The following OR6J1 variants were observed in gnomAD, a reference collection of about 807,000 sequenced individuals.
OR6J1 encodes olfactory receptor 6J1.
For synonymous variants in OR6J1, 109 were observed against 70.0 expected (o/e 1.56, Z -2.78); for missense variants, 304 against 166.8 (o/e 1.82, Z -4.53).
At chr14:22,640,580 C>A (rs1402759837) in intron 1 of OR6J1, among the ~76,000 whole-genome samples, 1 of 148,760 alleles carries the variant, frequency 6.7e-6, no homozygotes, top group Non-Finnish European at 1.5e-5. Flanking sequence ...TCAGACTCAG[C>A]CTCCCTGGAT....
intron 1 of OR6J1, among the ~76,000 whole-genome samples, chr14:22,640,879 AG>A (rs1213665746): frequency 2.6e-5 from 4 of 151,260 alleles, no homozygotes; most frequent in Admixed American, 6.6e-5. Context: ...TTTATATAAA[AG>A]AAGTTAAGCT....
intron 1 of OR6J1, among the ~76,000 whole-genome samples, chr14:22,635,978 G>T (rs1681585): frequency 0.23 from 35,326 of 151,760 alleles, 4,397 homozygotes; most frequent in African/African-American, 0.32. Flanking sequence ...TATTAAAAGA[G>T]CCTTCAAATA....
At position 22,639,195 on chromosome 14, in the gene OR6J1, G is replaced by T. The variant is rs1385199000; in HGVS notation, c.-27-4357C>A. Among the ~76,000 whole-genome samples, 14 of 116,898 alleles carry T rather than the reference G, an allele frequency of 1.2e-4. 1 individual carries two copies. The highest frequency in any genetic ancestry group is 7.1e-4 in the African/African-American group (14 of 19,816). The allele number at this position is 116,898 out of a possible 152,430, so 76.7% of individuals were successfully genotyped here. A position where few individuals can be genotyped will look rare whatever the true frequency, so the allele number is the denominator to read the frequency against. On this transcript the variant is annotated intron_variant, in intron 1 of 1. Transcript: ENST00000540461. ...CCACCCCATCTGGGAAGTGAGGAGCGTCTCCGCCCGGCAGCCACCCCGTCC... is the reference window on the plus strand; with the variant it reads ...CCACCCCATCTGGGAAGTGAGGAGCTTCTCCGCCCGGCAGCCACCCCGTCC...
At position 22,636,591 on chromosome 14, in the gene OR6J1, T is replaced by C. The variant is rs1162354377; in HGVS notation, c.-27-1753A>G. Among the ~76,000 whole-genome samples, 4 of 121,798 alleles carry C rather than the reference T, an allele frequency of 3.3e-5. 1 individual carries two copies. Among genetic ancestry groups the C allele is most frequent in the African/African-American group, 1.7e-4 (4 of 22,992 alleles). The allele number at this position is 121,798 out of a possible 152,430, so 79.9% of individuals were successfully genotyped here. On this transcript the variant is annotated intron_variant, in intron 1 of 1. Transcript: ENST00000540461. Reference sequence around the variant, plus strand: ...ACGCCTCACTGGTTTTCGTTTTTTTTTTTTGGTGGAGACGGGGTTTTGCTG... The same window carrying C: ...ACGCCTCACTGGTTTTCGTTTTTTTCTTTTGGTGGAGACGGGGTTTTGCTG...
At chr14:22,642,622 G>A (rs953571733) in intron 1 of OR6J1, among the ~76,000 whole-genome samples, 1 of 151,912 alleles carries the variant, frequency 6.6e-6, no homozygotes. Flanking sequence ...ACAGGGACAA[G>A]CCACCATGCC....
chr14:22,641,393 G>GAA lies in OR6J1; in HGVS notation c.-28+2704_-28+2705insTT, dbSNP rs1594904102. Among the ~76,000 whole-genome samples the GAA allele has an allele frequency of 1.7e-3, 130 of 74,578 alleles. 2 individuals are homozygous for GAA. The highest frequency in any genetic ancestry group is 0.014 in the South Asian group (32 of 2,238). 48.9% of individuals were successfully genotyped at this position (74,578 alleles called of 152,430 possible). On this transcript the variant is annotated intron_variant, in intron 1 of 1. Coordinates refer to ENST00000540461, the MANE Select transcript of OR6J1 (RefSeq NM_001348233.2). ...GGGAGAGAAGAAAGAAAGAGAGAGA[G>GAA]AGAGAAAGGAAGGATGGAAGGAAGG...
intron 1 of OR6J1, among the ~76,000 whole-genome samples, chr14:22,635,580 A>G (rs1326759888): frequency 6.6e-6 from 1 of 152,194 alleles, no homozygotes; most frequent in African/African-American, 2.4e-5. Flanking sequence ...GCAGATATTG[A>G]GACTTATAAA....
Position 22,639,160 on chromosome 14 carries a change from C to T in OR6J1, c.-27-4322G>A, listed in dbSNP as rs1195041483. Reference sequence around the variant, plus strand: ...CCGTCTGAGAAGTGAGGAGCCTCTCCGCCCGGCAGCCACCCCATCTGGGAA... The same window carrying T: ...CCGTCTGAGAAGTGAGGAGCCTCTCTGCCCGGCAGCCACCCCATCTGGGAA... On this transcript the variant is annotated intron_variant, in intron 1 of 1. Coordinates refer to ENST00000540461, the MANE Select transcript of OR6J1 (RefSeq NM_001348233.2). Among the ~76,000 whole-genome samples, 13 of 106,754 alleles carry T rather than the reference C, an allele frequency of 1.2e-4. 1 individual carries two copies. The highest frequency in any genetic ancestry group is 2.4e-4 in the African/African-American group (4 of 16,822). 70.0% of individuals were successfully genotyped at this position (106,754 alleles called of 152,430 possible).
At chr14:22,639,194 C>T (rs1162325308) in intron 1 of OR6J1, among the ~76,000 whole-genome samples, 16 of 118,024 alleles carry the variant, frequency 1.4e-4, no homozygotes, top group African/African-American at 7.0e-4. Flanking sequence ...AAGTGAGGAG[C>T]GTCTCCGCCC....
chr14:22,639,475 T>C (rs1453860639), intron 1 of OR6J1, among the ~76,000 whole-genome samples: 1 of 132,546 alleles, frequency 7.5e-6, no homozygotes, highest in Non-Finnish European at 1.6e-5. Flanking sequence ...CCACCCCGTC[T>C]GGGAGGTGTG....
In OR6J1 at chr14:22,634,225, A is replaced by G. The variant is rs770879897; in HGVS notation, c.587T>C (p.Leu196Pro). 8.5e-6 allele frequency: 6 copies of G among 703,470 alleles called. No individual in the cohort carries two copies. In the South Asian group the frequency reaches 8.9e-5, roughly 10 times the overall value. The allele number at this position is 703,470 out of a possible 1,614,324, so 43.6% of individuals were successfully genotyped here. A position where few individuals can be genotyped will look rare whatever the true frequency, so the allele number is the denominator to read the frequency against. ...LACADTTAIE[L>P]MDFMLSSMVI... ...CATGGAAGAAAGCATAAAATCCATC[A>G]GCTCGATGGCAGTGGTGTCTGCACA... Residue 196 changes from leucine to proline, a missense_variant, in exon 2 of 2, where the codon CTG becomes CCG. Leu to Pro is a moderately conservative substitution (Grantham distance 98). Transcript: ENST00000540461.
Position 22,634,159 on chromosome 14 carries a change from G to C in OR6J1, c.653C>G (p.Thr218Arg), listed in dbSNP as rs116242916. The C allele has an allele frequency of 5.7e-6, 4 of 703,302 alleles. No individual in the cohort carries two copies. Among genetic ancestry groups the C allele is most frequent in the Non-Finnish European group, 1.0e-5 (4 of 384,972 alleles). The allele number at this position is 703,302 out of a possible 1,614,324, so 43.6% of individuals were successfully genotyped here. The change falls in exon 2 of 2, where the codon ACG becomes AGG. Residue 218 changes from threonine (T) to arginine (R), a missense_variant. Physicochemically the swap from Thr to Arg is moderately conservative, Grantham distance 71. Transcript: ENST00000540461. ...CCIVLVAYSYTYIILTIVRIP... is the reference protein window; with the variant it reads ...CCIVLVAYSYRYIILTIVRIP... ...GCGCACTATGGTCAAGATGATGTACGTATAGGAATAGGCCACGAGGACTAT... is the reference window on the plus strand; with the variant it reads ...GCGCACTATGGTCAAGATGATGTACCTATAGGAATAGGCCACGAGGACTAT...
chr14:22,641,209 A>AGAAAGAAAGAAAGAAAG (rs1566397555), intron 1 of OR6J1, among the ~76,000 whole-genome samples: 1 of 18,706 alleles, frequency 5.3e-5, no homozygotes, highest in Non-Finnish European at 9.7e-5. Flanking sequence ...GGAGAGAAAG[A>AGAAAGAAAGAAAGAAAG]TAAGAAAGAA....
chr14:22,632,466 T>G lies in OR6J1; in HGVS notation c.*1302A>C, dbSNP rs535414347. 1 of 152,356 alleles carries G rather than the reference T, an allele frequency of 6.6e-6. No individual in the cohort carries two copies. The highest frequency in any genetic ancestry group is 2.4e-5 in the African/African-American group (1 of 41,544). 9.4% of individuals were successfully genotyped at this position (152,356 alleles called of 1,614,324 possible). ...CTGTGGTCCCAGCTACTCAGGAGGC[T>G]GAGGCAGAAGAATCACTTGAACCCA... On this transcript the variant is annotated 3_prime_UTR_variant, in exon 2 of 2. Coordinates refer to ENST00000540461, the MANE Select transcript of OR6J1 (RefSeq NM_001348233.2).
In OR6J1 at chr14:22,643,764, C is replaced by CACACACAGAGAG. The variant is rs1466950724; in HGVS notation, c.-28+333_-28+334insCTCTCTGTGTGT. Among the ~76,000 whole-genome samples the CACACACAGAGAG allele has an allele frequency of 1.5e-3, 56 of 37,690 alleles. No homozygotes were observed. The East Asian group carries it at 0.018, about 12-fold the overall frequency. The allele number at this position is 37,690 out of a possible 152,430, so 24.7% of individuals were successfully genotyped here. Reference sequence around the variant, plus strand: ...ACACACACACACACACACACACACACAGAGAGAGAGAGAGAGAGAGAGAGA... The same window carrying CACACACAGAGAG: ...ACACACACACACACACACACACACACACACACAGAGAGAGAGAGAGAGAGAGAGAGAGAGAGA... On this transcript the variant is annotated intron_variant, in intron 1 of 1. Transcript: ENST00000540461.
At chr14:22,638,648 A>AT (rs1370490842) in intron 1 of OR6J1, among the ~76,000 whole-genome samples, 1 of 45,010 alleles carries the variant, frequency 2.2e-5, no homozygotes, top group South Asian at 5.6e-4. Context: ...AGAATGATCA[A>AT]TAAAAAAAAT....
chr14:22,641,379 AAG>A (rs1386907454), intron 1 of OR6J1, among the ~76,000 whole-genome samples: 1 of 85,908 alleles, frequency 1.2e-5, no homozygotes, highest in Admixed American at 1.0e-4. Context: ...GGAGAGAAGA[AAG>A]AAAGAGAGAG....
intron 1 of OR6J1, among the ~76,000 whole-genome samples, chr14:22,640,187 G>A (rs2037632452): frequency 7.2e-6 from 1 of 138,654 alleles, no homozygotes; most frequent in South Asian, 2.5e-4. Context: ...GGGGGAGAGG[G>A]GGAGGGAGGG....
rs1191297122 is a variant in OR6J1, at chr14:22,632,643, T to C, written c.*1125A>G. 6.6e-6 allele frequency: 1 copy of C among 152,218 alleles called. No individual in the cohort carries two copies. Among genetic ancestry groups the C allele is most frequent in the Non-Finnish European group, 1.5e-5 (1 of 68,062 alleles). The allele number at this position is 152,218 out of a possible 1,614,324, so 9.4% of individuals were successfully genotyped here. ...GAAGCTATGCCTTGTGGAGAGATAATGAACTTTGTAGTCAAGCTGCTTTTT... is the reference window on the plus strand; with the variant it reads ...GAAGCTATGCCTTGTGGAGAGATAACGAACTTTGTAGTCAAGCTGCTTTTT... On this transcript the variant is annotated 3_prime_UTR_variant, in exon 2 of 2. Transcript: ENST00000540461.
Sources: allele counts gnomAD v4.1 joint callset (sites outside exome capture counted in the v4.1 genomes callset), GRCh38; gene constraint gnomAD v4.1.1; transcripts MANE v1.5; gene names NCBI Gene and HGNC (gene_info 2026-07-23, HGNC 2026-07-21).